Variants in FOXP1 observed in about 807,000 individuals in gnomAD.
The protein encoded by FOXP1 is forkhead box P1.
Under a neutral mutation model 98.2 loss-of-function variants are expected in FOXP1, and 15 were observed. The observed-to-expected ratio is 0.15, with a 90% confidence interval of 0.10 to 0.24. FOXP1 has a LOEUF of 0.24. FOXP1 is among the 10% of genes least tolerant of loss of function. The pLI is 1.00. For synonymous variants in FOXP1, 371 were observed against 314.5 expected, an observed-to-expected ratio of 1.18 and a Z score of -1.90; for missense variants, 633 against 848.5, an observed-to-expected ratio of 0.75 and a Z score of 3.15.
intron 2 of FOXP1, among the ~76,000 whole-genome samples, chr3:71,519,025 C>T (rs944946146): frequency 5.9e-5 from 9 of 152,194 alleles, no homozygotes; most frequent in Admixed American, 2.0e-4. Context: ...ACGGGCGGAT[C>T]GCCTGAGATC....
chr3:70,969,097 A>C (rs1215227134), intron 19 of FOXP1: 1 of 151,446 alleles, frequency 6.6e-6, no homozygotes, highest in Non-Finnish European at 1.5e-5. Flanking sequence ...CATAGTTAAG[A>C]GAATTCAGAG....
At chr3:71,166,752 G>T (rs961546767) in intron 6 of FOXP1, among the ~76,000 whole-genome samples, 3 of 152,036 alleles carry the variant, frequency 2.0e-5, no homozygotes, top group Non-Finnish European at 4.4e-5. Flanking sequence ...TAAACACACA[G>T]AAAATACTTT....
At chr3:71,195,628 CT>C (rs1412029074) in intron 6 of FOXP1, among the ~76,000 whole-genome samples, 1 of 152,210 alleles carries the variant, frequency 6.6e-6, no homozygotes, top group African/African-American at 2.4e-5. Context: ...GAATGTGCCC[CT>C]GGCGAGGAAT....
intron 7 of FOXP1, among the ~76,000 whole-genome samples, chr3:71,086,573 G>A (rs1048744721): frequency 2.0e-5 from 3 of 152,074 alleles, no homozygotes; most frequent in African/African-American, 7.2e-5. Context: ...AGAGATAACG[G>A]CTCCCATCCC....
Position 70,955,192 on chromosome 3 carries a change from AAG to A in FOXP1, c.*4053_*4054del, listed in dbSNP as rs1339511573. The A allele has an allele frequency of 4.3e-6, 1 of 232,634 alleles. No homozygotes were observed. The highest frequency in any genetic ancestry group is 8.5e-6 in the Non-Finnish European group (1 of 117,630). 14.4% of individuals were successfully genotyped at this position (232,634 alleles called of 1,614,324 possible). On this transcript the variant is annotated 3_prime_UTR_variant, in exon 21 of 21. Transcript: ENST00000649528. ...AACGGAGTTCAGCTGGAATATGGAA[AAG>A]AGAGGAAATATTTTTTAACTCTATT... is the stretch of plus-strand genomic sequence containing the variant.
At chr3:71,291,701 G>A (rs1464539839) in intron 5 of FOXP1, among the ~76,000 whole-genome samples, 1 of 147,054 alleles carries the variant, frequency 6.8e-6, no homozygotes, top group Admixed American at 7.0e-5. Flanking sequence ...TGTATTGTAT[G>A]CTTATTCTGT....
chr3:71,242,223 G>A lies in FOXP1; in HGVS notation c.-11-43831C>T, dbSNP rs538665594. ...CCCCATATTCATTTAAAAGACATTC[G>A]TGTTCAAATCGTGCTGAGTCAAAGC... On this transcript the variant is annotated intron_variant, in intron 5 of 20. Transcript: ENST00000649528. Among the ~76,000 whole-genome samples the A allele has an allele frequency of 5.3e-5, 8 of 152,230 alleles. No individual in the cohort carries two copies. The East Asian group carries it at 9.6e-4, about 18-fold the overall frequency.
chr3:71,420,495 C>T (rs945864528), intron 3 of FOXP1, among the ~76,000 whole-genome samples: 2 of 152,112 alleles, frequency 1.3e-5, no homozygotes, highest in African/African-American at 4.8e-5. Context: ...TATCATGGGA[C>T]TCCTTAAAAT....
intron 7 of FOXP1, among the ~76,000 whole-genome samples, chr3:71,062,360 T>A (rs1410660175): frequency 6.6e-6 from 1 of 152,328 alleles, no homozygotes; most frequent in Non-Finnish European, 1.5e-5. Context: ...TTCCATTCCA[T>A]CCCTGGAAAA....
chr3:71,416,529 A>G (rs1305069410), intron 3 of FOXP1, among the ~76,000 whole-genome samples: 1 of 150,080 alleles, frequency 6.7e-6, no homozygotes, highest in Non-Finnish European at 1.5e-5. Context: ...TGGGCCACAG[A>G]ACAAAACTCT....
At chr3:71,191,110 C>T (rs1358338580) in intron 6 of FOXP1, among the ~76,000 whole-genome samples, 1 of 152,204 alleles carries the variant, frequency 6.6e-6, no homozygotes, top group African/African-American at 2.4e-5. Context: ...ATCAGGCGAG[C>T]TATAGGTTTA....
At chr3:71,424,580 A>T (rs2083955738) in intron 3 of FOXP1, among the ~76,000 whole-genome samples, 1 of 152,220 alleles carries the variant, frequency 6.6e-6, no homozygotes, top group Non-Finnish European at 1.5e-5. Context: ...CATAAAATGC[A>T]GCTAACTTCC....
chr3:71,582,649 G>C, intron 1 of FOXP1: 4 of 985,426 alleles, frequency 4.1e-6, no homozygotes, highest in Non-Finnish European at 4.8e-6. Context: ...TGGTGGGAGA[G>C]AGATCCGGGC....
intron 2 of FOXP1, among the ~76,000 whole-genome samples, chr3:71,564,537 A>G (rs1194147936): frequency 6.6e-6 from 1 of 152,218 alleles, no homozygotes. Context: ...ACAAGTGTTA[A>G]AAGTCTCTGG....
rs575247789 is a variant in FOXP1, at chr3:71,029,599, C to T, written c.869+11729G>A. Among the ~76,000 whole-genome samples the T allele has an allele frequency of 1.4e-3, 216 of 152,260 alleles. 1 individual carries two copies. Among genetic ancestry groups the T allele is most frequent in the African/African-American group, 5.0e-3 (208 of 41,532 alleles). On this transcript the variant is annotated intron_variant, in intron 11 of 20. Coordinates refer to ENST00000649528, the MANE Select transcript of FOXP1 (RefSeq NM_001349338.3). ...AGAGACAGGGTCTCACTATATTGCC[C>T]AGGCTGGTCTCAAACTCCTGGCCTC...
At chr3:71,193,127 G>GT (rs768700276) in intron 6 of FOXP1, among the ~76,000 whole-genome samples, 1 of 151,260 alleles carries the variant, frequency 6.6e-6, no homozygotes, top group Non-Finnish European at 1.5e-5. Context: ...CCCTTTGTTT[G>GT]TTGTTGTTGT....
intron 3 of FOXP1, among the ~76,000 whole-genome samples, chr3:71,397,140 C>A (rs527868598): frequency 3.3e-4 from 39 of 117,132 alleles, no homozygotes; most frequent in South Asian, 2.8e-4. Flanking sequence ...TTAAATGGAA[C>A]CAGCAGAGTC....
At chr3:71,507,484 A>C (rs550488100) in intron 2 of FOXP1, among the ~76,000 whole-genome samples, 1 of 152,324 alleles carries the variant, frequency 6.6e-6, no homozygotes, top group East Asian at 1.9e-4. Flanking sequence ...GCAACCATTA[A>C]AAAGTATTGT....
At chr3:71,305,570 C>CA (rs1475734617) in intron 4 of FOXP1, 1 of 152,176 alleles carries the variant, frequency 6.6e-6, no homozygotes, top group African/African-American at 2.4e-5. Flanking sequence ...TTTTAGCAAA[C>CA]AATGGCAGCA....
Sources: allele counts gnomAD v4.1 joint callset (sites outside exome capture counted in the v4.1 genomes callset), GRCh38; gene constraint gnomAD v4.1.1; transcripts MANE v1.5; gene names NCBI Gene and HGNC (gene_info 2026-07-23, HGNC 2026-07-21).